Variants in NOL4 observed in about 807,000 individuals in gnomAD.
The protein encoded by NOL4 is cancer/testis antigen 125.
NOL4 carries 17 observed loss-of-function variants against 75.9 expected under a neutral mutation model. The ratio of observed to expected loss-of-function variants is 0.22; its 90% CI spans 0.15 to 0.34. The LOEUF (loss-of-function observed/expected upper bound fraction) is 0.34, where lower values mean the gene tolerates loss of function less well. Among genes scored for constraint, NOL4 ranks in the 10% least tolerant of loss-of-function variants. The probability of loss-of-function intolerance (pLI) is 1.00; values close to 1 mark genes in which losing one functional copy is unlikely to be tolerated. For synonymous variants in NOL4, 292 were observed against 289.9 expected (o/e 1.01, Z -0.07); for missense variants, 614 against 793.5 (o/e 0.77, Z 2.72).
chr18:34,042,363 A>G (rs2076177329), intron 5 of NOL4, among the ~76,000 whole-genome samples: 1 of 152,058 alleles, frequency 6.6e-6, no homozygotes, highest in Admixed American at 6.6e-5. Context: ...TGTGCCAGAA[A>G]ACATGATGGT....
chr18:33,975,359 C>T (rs926571559), intron 6 of NOL4, among the ~76,000 whole-genome samples: 1 of 152,106 alleles, frequency 6.6e-6, no homozygotes, highest in African/African-American at 2.4e-5. Flanking sequence ...TTAAAAATTA[C>T]CATTTGTACA....
chr18:34,164,596 T>A (rs2032048478), intron 1 of NOL4, among the ~76,000 whole-genome samples: 1 of 151,956 alleles, frequency 6.6e-6, no homozygotes, highest in African/African-American at 2.4e-5. Flanking sequence ...AAACAACAGG[T>A]GCTGGAGAGG....
intron 10 of NOL4, among the ~76,000 whole-genome samples, chr18:33,854,963 A>G (rs2062775636): frequency 6.6e-6 from 1 of 152,056 alleles, no homozygotes; most frequent in Non-Finnish European, 1.5e-5. Flanking sequence ...ACTTTCCTTC[A>G]GACCTTTGTT....
chr18:33,927,292 G>A (rs1043243233), intron 9 of NOL4, among the ~76,000 whole-genome samples: 7 of 152,124 alleles, frequency 4.6e-5, no homozygotes, highest in Admixed American at 2.0e-4. Context: ...GTGTATTAAA[G>A]GCAAAACATT....
At chr18:34,065,190 C>T (rs550999729) in intron 5 of NOL4, among the ~76,000 whole-genome samples, 11 of 151,972 alleles carry the variant, frequency 7.2e-5, no homozygotes, top group South Asian at 2.1e-4. Context: ...ATAGCAAATG[C>T]TTGAAAGAGA....
chr18:34,032,987 C>T (rs1240145474), intron 5 of NOL4, among the ~76,000 whole-genome samples: 3 of 152,218 alleles, frequency 2.0e-5, no homozygotes, highest in Non-Finnish European at 4.4e-5. Flanking sequence ...ACTACACTAC[C>T]GCACACATCT....
chr18:34,215,979 C>A lies in NOL4; in HGVS notation c.264+7011G>T, dbSNP rs990745832. On this transcript the variant is annotated intron_variant, in intron 1 of 10. Coordinates refer to ENST00000261592, the MANE Select transcript of NOL4 (RefSeq NM_003787.5). ...TATGCAGTTTATCTGAGAGTTTTTT[C>A]AAATTGTTATATATTTCCAAAAATT... 8.6e-5 allele frequency among the ~76,000 whole-genome samples: 13 copies of A among 151,988 alleles called. 1 individual carries two copies. The highest frequency in any genetic ancestry group is 7.7e-4 in the East Asian group (4 of 5,170).
chr18:34,038,914 G>C (rs1272845306), intron 5 of NOL4, among the ~76,000 whole-genome samples: 3 of 151,998 alleles, frequency 2.0e-5, no homozygotes, highest in Admixed American at 6.6e-5. Flanking sequence ...CCCTTTTCAA[G>C]GTGATGAAAT....
intron 1 of NOL4, chr18:34,222,125 G>GC: frequency 4.6e-6 from 7 of 1,532,986 alleles, no homozygotes; most frequent in Non-Finnish European, 6.1e-6. Context: ...CGGCTCCCCA[G>GC]CCCCACTGGC....
At chr18:34,057,497 G>A (rs986678019) in intron 5 of NOL4, among the ~76,000 whole-genome samples, 2 of 152,208 alleles carry the variant, frequency 1.3e-5, no homozygotes, top group African/African-American at 4.8e-5. Context: ...TTTCTAGAAT[G>A]AGAGTAGAAC....
chr18:33,987,060 G>T (rs2146056964), intron 6 of NOL4, among the ~76,000 whole-genome samples: 1 of 152,040 alleles, frequency 6.6e-6, no homozygotes, highest in East Asian at 1.9e-4. Context: ...GAATTTGGGG[G>T]GATATTTTTT....
chr18:34,045,572 C>T (rs1179879404), intron 5 of NOL4, among the ~76,000 whole-genome samples: 1 of 152,062 alleles, frequency 6.6e-6, no homozygotes, highest in Non-Finnish European at 1.5e-5. Context: ...TCTGGCTATC[C>T]CCACACACCA....
At chr18:34,069,426 A>C (rs1307115992) in intron 5 of NOL4, among the ~76,000 whole-genome samples, 2 of 152,168 alleles carry the variant, frequency 1.3e-5, no homozygotes, top group Admixed American at 1.3e-4. Context: ...ATACACATAC[A>C]ATTATGTAAT....
intron 6 of NOL4, among the ~76,000 whole-genome samples, chr18:33,977,570 C>T (rs1457037746): frequency 6.6e-6 from 1 of 152,114 alleles, no homozygotes; most frequent in South Asian, 2.1e-4. Flanking sequence ...TTATAAATTA[C>T]CTAGTCTAGG....
intron 1 of NOL4, among the ~76,000 whole-genome samples, chr18:34,141,290 A>T (rs1246624471): frequency 6.6e-6 from 1 of 152,188 alleles, no homozygotes; most frequent in African/African-American, 2.4e-5. Flanking sequence ...TGCCATCCCC[A>T]TCAAGCTACC....
intron 2 of NOL4, among the ~76,000 whole-genome samples, chr18:34,106,669 T>C (rs2079296835): frequency 6.6e-6 from 1 of 151,478 alleles, no homozygotes; most frequent in Admixed American, 6.6e-5. Flanking sequence ...AAAATATATA[T>C]ATAATTTAGG....
chr18:34,211,130 AG>A, intron 1 of NOL4, among the ~76,000 whole-genome samples: 1 of 152,096 alleles, frequency 6.6e-6, no homozygotes, highest in South Asian at 2.1e-4. Context: ...GAAGGAAGGA[AG>A]GAAGGAAGGA....
At chr18:34,096,342 T>A (rs117499429) in intron 4 of NOL4, among the ~76,000 whole-genome samples, 1,952 of 152,212 alleles carry the variant, frequency 0.013, 12 homozygotes, top group Middle Eastern at 0.034. Flanking sequence ...ATTGTTATAC[T>A]TTTGTTAAGA....
At chr18:34,173,247 T>C (rs962396747) in intron 1 of NOL4, among the ~76,000 whole-genome samples, 10 of 152,004 alleles carry the variant, frequency 6.6e-5, no homozygotes, top group African/African-American at 2.4e-4. Context: ...GGCTGGAGGA[T>C]GGGATAAAGA....
Sources: gnomAD v4.1 joint callset for allele counts (sites outside exome capture counted in the v4.1 genomes callset) on GRCh38, gnomAD v4.1.1 for gene constraint, MANE v1.5 for transcripts, NCBI Gene and HGNC (gene_info 2026-07-23, HGNC 2026-07-21) for gene names.